ZPLD1: variants seen among roughly 807,000 people sequenced by gnomAD.
The protein encoded by ZPLD1 is zona pellucida-like domain-containing protein 1.
A neutral mutation model predicts 47.2 loss-of-function variants in ZPLD1; 34 were observed. That is an observed-to-expected ratio of 0.72 (90% confidence interval 0.55 to 0.96). The LOEUF is 0.96. Ranked by LOEUF, ZPLD1 falls within the 40% of genes least tolerant of loss-of-function variation. ZPLD1 has a pLI of 0.00. For missense variants in ZPLD1, 512 were observed against 505.8 expected (o/e 1.01, Z -0.12); for synonymous variants, 176 against 186.2 (o/e 0.95, Z 0.45).
chr3:102,448,672 C>T lies in ZPLD1; in HGVS notation c.107-4247C>T, dbSNP rs371948854. Among the ~76,000 whole-genome samples, 17 of 152,318 alleles carry T rather than the reference C, an allele frequency of 1.1e-4. No individual in the cohort carries two copies. The East Asian group carries it at 3.1e-3, about 28-fold the overall frequency. On this transcript the variant is annotated intron_variant, in intron 3 of 11. Transcript: ENST00000466937. ...AAGTGGGATAAGCCTGTAGCAAATT[C>T]AGTTTCATTGCAGGAGTTACAAATT...
intron 8 of ZPLD1, among the ~76,000 whole-genome samples, chr3:102,424,753 A>C (rs1204450298): frequency 1.3e-5 from 2 of 152,230 alleles, no homozygotes; most frequent in African/African-American, 4.8e-5. Context: ...CGAGTACAGT[A>C]CATACACAGT....
At position 102,452,973 on chromosome 3, in the gene ZPLD1, A is replaced by G. The variant is rs761604095; in HGVS notation, c.161A>G (p.Asn54Ser). ...GTGCAGGCTATTACGATGAAGATTA[A>G]TTTTTGCACGGTACTTTTCTCGGGT... The part of the protein sequence containing the change: ...CGVQAITMKI[N>S]FCTVLFSGYS... Residue 54 changes from asparagine (N) to serine (S), a missense_variant, in exon 4 of 12, where the codon AAT (asparagine) becomes AGT (serine). Physicochemically the swap from Asn to Ser is conservative, Grantham distance 46. Coordinates refer to ENST00000466937, the MANE Select transcript of ZPLD1 (RefSeq NM_001329788.2). 6.2e-7 allele frequency: 1 copy of G among 1,614,088 alleles called. No individual in the cohort carries two copies. The highest frequency in any genetic ancestry group is 1.1e-5 in the South Asian group (1 of 91,078).
chr3:102,473,203 C>T (rs79316748), intron 10 of ZPLD1, among the ~76,000 whole-genome samples: 4,463 of 152,046 alleles, frequency 0.029, 187 homozygotes, highest in African/African-American at 0.091. Context: ...GGACGCAAAC[C>T]GTATCGTTAG....
At chr3:102,458,243 T>C (rs772276348) in intron 6 of ZPLD1, among the ~76,000 whole-genome samples, 2 of 152,202 alleles carry the variant, frequency 1.3e-5, no homozygotes, top group African/African-American at 2.4e-5. Context: ...CAAATGGTGT[T>C]TCCCTTGGAG....
At chr3:102,466,904 T>G (rs1024153483) in intron 8 of ZPLD1, among the ~76,000 whole-genome samples, 1 of 151,826 alleles carries the variant, frequency 6.6e-6, no homozygotes, top group Admixed American at 6.6e-5. Context: ...ATAGAACACA[T>G]TGTTTAAAAA....
chr3:102,432,893 G>A (rs1707033398), upstream of ZPLD1, among the ~76,000 whole-genome samples: 1 of 152,146 alleles, frequency 6.6e-6, no homozygotes, highest in African/African-American at 2.4e-5. Flanking sequence ...ATATGGGTTA[G>A]TTATATATCT....
intron 8 of ZPLD1, among the ~76,000 whole-genome samples, chr3:102,467,410 T>G (rs1707612353): frequency 1.3e-5 from 2 of 152,124 alleles, no homozygotes. Context: ...AGAGTATGGT[T>G]CTATCAGATA....
At chr3:102,393,395 C>T (rs764915348) in intron 7 of ZPLD1, among the ~76,000 whole-genome samples, 4 of 152,106 alleles carry the variant, frequency 2.6e-5, no homozygotes, top group African/African-American at 9.7e-5. Context: ...ATCTTATCTT[C>T]AATTGCAGAT....
chr3:102,396,809 C>A (rs567555261), intron 7 of ZPLD1, among the ~76,000 whole-genome samples: 1 of 152,144 alleles, frequency 6.6e-6, no homozygotes, highest in South Asian at 2.1e-4. Flanking sequence ...ACATGCTGTT[C>A]TCTTTCTAGC....
chr3:102,469,289 T>C (rs1004854819), intron 9 of ZPLD1, among the ~76,000 whole-genome samples, 154 bp downstream of exon 9: 1 of 152,236 alleles, frequency 6.6e-6, no homozygotes, highest in Non-Finnish European at 1.5e-5. Flanking sequence ...AAAGATCTGC[T>C]AAATATCCTA....
At chr3:102,431,267 A>G (rs1416311254), upstream of ZPLD1, among the ~76,000 whole-genome samples, 1 of 152,212 alleles carries the variant, frequency 6.6e-6, no homozygotes, top group South Asian at 2.1e-4. Context: ...TTTAGCATTC[A>G]TATTTCCTTA....
intron 7 of ZPLD1, among the ~76,000 whole-genome samples, chr3:102,413,783 C>G (rs1239936056): frequency 6.6e-6 from 1 of 151,592 alleles, no homozygotes; most frequent in Admixed American, 6.6e-5. Flanking sequence ...ACTGGAAGCT[C>G]AAAGGTTTAA....
chr3:102,397,386 T>C (rs1339056116), intron 7 of ZPLD1, among the ~76,000 whole-genome samples: 1 of 118,202 alleles, frequency 8.5e-6, no homozygotes, highest in East Asian at 1.9e-4. Context: ...CTTAATTGGG[T>C]AGACTTAGTA....
At chr3:102,423,997 T>C (rs558832255) in intron 8 of ZPLD1, among the ~76,000 whole-genome samples, 46 of 152,296 alleles carry the variant, frequency 3.0e-4, no homozygotes, top group Admixed American at 2.5e-3. Flanking sequence ...AGAAACTGTG[T>C]ACCAATGCTA....
At chr3:102,394,667 A>G (rs1043114305) in intron 7 of ZPLD1, among the ~76,000 whole-genome samples, 1 of 152,180 alleles carries the variant, frequency 6.6e-6, no homozygotes, top group Admixed American at 6.5e-5. Context: ...TATGGCCTAC[A>G]TTCCTTAGGA....
rs142278338 is a variant in ZPLD1 at position 102,427,749 on chromosome 3, G to T, written c.-9+9542G>T. Among the ~76,000 whole-genome samples the T allele has an allele frequency of 2.6e-5, 4 of 152,230 alleles. No homozygotes were observed. The East Asian group carries it at 5.8e-4, about 22-fold the overall frequency. ...AACCTACAGTTATATTTATTCAAGG[G>T]TCAGCCCTACTATGTGGCATAAATG... On this transcript the variant is annotated intron_variant, in intron 8 of 17. Transcript: ENST00000491959.
chr3:102,466,574 G>T (rs1338504079), intron 8 of ZPLD1, among the ~76,000 whole-genome samples: 2 of 152,044 alleles, frequency 1.3e-5, no homozygotes, highest in Non-Finnish European at 2.9e-5. Flanking sequence ...GAGAACTTAG[G>T]TAAGTAAGGA....
intron 8 of ZPLD1, among the ~76,000 whole-genome samples, chr3:102,465,079 T>A (rs1341117496): frequency 5.3e-5 from 8 of 152,246 alleles, no homozygotes; most frequent in Non-Finnish European, 1.0e-4. Flanking sequence ...TTTCTGGAAA[T>A]GTTAATTTGA....
chr3:102,434,439 T>C (rs1009417211), upstream of ZPLD1, among the ~76,000 whole-genome samples: 29 of 152,192 alleles, frequency 1.9e-4, no homozygotes, highest in African/African-American at 5.5e-4. Context: ...ATTGACATAT[T>C]TGACAGCAAA....
Sources: gnomAD v4.1 joint callset for allele counts (sites outside exome capture counted in the v4.1 genomes callset) on GRCh38, gnomAD v4.1.1 for gene constraint, MANE v1.5 for transcripts, NCBI Gene and HGNC (gene_info 2026-07-23, HGNC 2026-07-21) for gene names.